Variants in PPARD observed in about 807,000 individuals in gnomAD.
PPARD encodes the protein peroxisome proliferator-activated receptor delta.
In PPARD, 6 loss-of-function variants were observed where a neutral mutation model predicts 39.5. The observed-to-expected ratio is 0.15, with a 90% CI of 0.08 to 0.30. The LOEUF (loss-of-function observed/expected upper bound fraction) is 0.30. PPARD is among the 10% of genes least tolerant of loss of function. The pLI, the probability that PPARD is intolerant of heterozygous loss-of-function variation, is 1.00. For synonymous variants in PPARD, 210 were observed against 231.3 expected (o/e 0.91, Z 0.83); for missense variants, 397 against 596.8 (o/e 0.67, Z 3.49).
intron 2 of PPARD, among the ~76,000 whole-genome samples, chr6:35,390,140 T>A (rs1562199481): frequency 6.6e-6 from 1 of 152,020 alleles, no homozygotes; most frequent in African/African-American, 2.4e-5. Flanking sequence ...TCCCTGGGAG[T>A]GCCTTTTCTA....
chr6:35,349,317 G>A (rs1382641181), intron 2 of PPARD, among the ~76,000 whole-genome samples: 2 of 152,150 alleles, frequency 1.3e-5, no homozygotes, highest in African/African-American at 4.8e-5. Context: ...GAGCCACCGC[G>A]CCCGGCCTCT....
At position 35,420,150 on chromosome 6, in the gene PPARD, C is replaced by T. The variant is rs753923364; in HGVS notation, c.154C>T (p.Pro52Ser). Residue 52 changes from proline (P) to serine (S), a missense_variant, in exon 4 of 8, where the codon CCC (proline) becomes TCC (serine). Coordinates refer to ENST00000360694, the MANE Select transcript of PPARD (RefSeq NM_006238.5). ...AGACCTCTCCCGGAGCTCCTCGCCA[C>T]CCTCACTGCTGGACCAACTGCAGAT... The part of the protein sequence containing the change: ...YTDLSRSSSP[P>S]SLLDQLQMGC... 3 of 1,613,576 alleles carry T rather than the reference C, an allele frequency of 1.9e-6. No individual in the cohort carries two copies. In the South Asian group the frequency reaches 3.3e-5, roughly 18 times the overall value.
chr6:35,363,134 C>T lies in PPARD; in HGVS notation c.-102+15984C>T, dbSNP rs1388495856. 1.3e-5 allele frequency among the ~76,000 whole-genome samples: 2 copies of T among 152,176 alleles called. No individual in the cohort carries two copies. Among genetic ancestry groups the T allele is most frequent in the African/African-American group, 4.8e-5 (2 of 41,434 alleles). On this transcript the variant is annotated intron_variant, in intron 2 of 7. Transcript: ENST00000360694. The surrounding 1 kb of genome is among the most constrained non-coding windows in gnomAD (Gnocchi z 4.5). ...GATGGGGTATTTTGTGGGGAACAAG[C>T]TATGCCTTCCTGTCACTTCTTACAG...
At chr6:35,383,398 C>T (rs1356528026) in intron 2 of PPARD, among the ~76,000 whole-genome samples, 1 of 152,182 alleles carries the variant, frequency 6.6e-6, no homozygotes. Context: ...ACCTCCCAGC[C>T]GCCTGCCTTG....
chr6:35,409,956 C>T (rs555708982), intron 2 of PPARD, among the ~76,000 whole-genome samples: 31 of 152,244 alleles, frequency 2.0e-4, no homozygotes, highest in African/African-American at 7.5e-4. Context: ...AGTGTACAGC[C>T]GAGTTGGCAG....
At chr6:35,384,150 G>T (rs1431625108) in intron 2 of PPARD, among the ~76,000 whole-genome samples, 17 of 139,940 alleles carry the variant, frequency 1.2e-4, no homozygotes, top group African/African-American at 4.3e-4. Flanking sequence ...CCTCTGCCTG[G>T]CCACCCCTAC....
intron 2 of PPARD, among the ~76,000 whole-genome samples, chr6:35,400,777 G>A (rs965318887): frequency 1.3e-5 from 2 of 151,908 alleles, no homozygotes; most frequent in Non-Finnish European, 2.9e-5. Flanking sequence ...TCTAGCCTGG[G>A]TGACAGGGAG....
chr6:35,424,244 C>G lies in PPARD; in HGVS notation c.628-85C>G, dbSNP rs1766417936. 6.3e-7 allele frequency: 1 copy of G among 1,592,216 alleles called. No homozygotes were observed. The highest frequency in any genetic ancestry group is 1.3e-5 in the African/African-American group (1 of 74,416). On this transcript the variant is annotated intron_variant, in intron 6 of 7. Coordinates refer to ENST00000360694, the MANE Select transcript of PPARD (RefSeq NM_006238.5). The surrounding 1 kb of genome is among the most constrained non-coding windows in gnomAD (Gnocchi z 7.1). ...GGAGAGCCAGGCCTTCTCCCTCCCT[C>G]AACTTCATGGTGCAGGCAAGGGACA...
chr6:35,393,922 G>A (rs1409202138), intron 2 of PPARD, among the ~76,000 whole-genome samples: 1 of 152,176 alleles, frequency 6.6e-6, no homozygotes, highest in Non-Finnish European at 1.5e-5. Context: ...TGAGCAGCAG[G>A]AGAGCTTTGC....
At chr6:35,409,076 T>C (rs1232245059) in intron 2 of PPARD, among the ~76,000 whole-genome samples, 1 of 152,188 alleles carries the variant, frequency 6.6e-6, no homozygotes, top group Admixed American at 6.5e-5. Flanking sequence ...TTTCCCACTC[T>C]AATGATTTGG....
chr6:35,375,535 A>G (rs1047132442), intron 2 of PPARD, among the ~76,000 whole-genome samples: 1 of 151,006 alleles, frequency 6.6e-6, no homozygotes, highest in African/African-American at 2.4e-5. Flanking sequence ...CTTTATTTCT[A>G]TACATTTTAC....
At chr6:35,400,882 A>G (rs1322032315) in intron 2 of PPARD, among the ~76,000 whole-genome samples, 2 of 151,948 alleles carry the variant, frequency 1.3e-5, no homozygotes, top group African/African-American at 2.4e-5. Context: ...CTGTTGACCT[A>G]TGGTTGGCAT....
chr6:35,374,485 A>T (rs556269813), intron 2 of PPARD, among the ~76,000 whole-genome samples: 2 of 151,560 alleles, frequency 1.3e-5, no homozygotes, highest in Admixed American at 1.3e-4. Flanking sequence ...GTGAAACCCC[A>T]TCTCTACTAA....
Position 35,383,937 on chromosome 6 carries a change from TG to T in PPARD, c.-101-27042del, listed in dbSNP as rs543733797. Among the ~76,000 whole-genome samples the T allele has an allele frequency of 1.6e-3, 180 of 109,530 alleles. 7 individuals carry two copies. In the East Asian group the frequency reaches 0.037, roughly 23 times the overall value. 71.9% of individuals were successfully genotyped at this position (109,530 alleles called of 152,430 possible). A position where few individuals can be genotyped will look rare whatever the true frequency, so the allele number is the denominator to read the frequency against. On this transcript the variant is annotated intron_variant, in intron 2 of 7. Transcript: ENST00000360694. ...GCAGCCACCCCGTCCGGGAGGGAGG[TG>T]GGGGGGGTCAGCCCCCCCGCCAGGC...
At position 35,347,669 on chromosome 6, in the gene PPARD, C is replaced by T. The variant is rs182185987; in HGVS notation, c.-102+519C>T. Among the ~76,000 whole-genome samples the T allele has an allele frequency of 1.3e-4, 20 of 152,116 alleles. No homozygotes were observed. The East Asian group carries it at 2.1e-3, about 16-fold the overall frequency. ...TGTCCCCCAGACTGGAGTGCAATGG[C>T]GTGATCTTGGCTCACTGCCACCTCC... On this transcript the variant is annotated intron_variant, in intron 2 of 7. Transcript: ENST00000360694.
intron 2 of PPARD, among the ~76,000 whole-genome samples, chr6:35,391,160 AG>A (rs367888135): frequency 1.3e-5 from 2 of 152,272 alleles, no homozygotes; most frequent in African/African-American, 4.8e-5. Context: ...ATCTGATAAT[AG>A]AAAATGCGGA....
chr6:35,423,647 AC>A (rs1401541969), intron 5 of PPARD, among the ~76,000 whole-genome samples: 2 of 152,042 alleles, frequency 1.3e-5, no homozygotes, highest in African/African-American at 4.8e-5. Context: ...AGTCTGTCTT[AC>A]CCCAGCTAGC....
intron 5 of PPARD, among the ~76,000 whole-genome samples, chr6:35,422,407 G>A (rs908652974): frequency 6.6e-6 from 1 of 152,178 alleles, no homozygotes; most frequent in Non-Finnish European, 1.5e-5. Context: ...TTTGTCAACT[G>A]CCAGGAGCCA....
intron 2 of PPARD, among the ~76,000 whole-genome samples, chr6:35,371,268 C>T (rs965141833): frequency 6.6e-6 from 1 of 152,080 alleles, no homozygotes; most frequent in Admixed American, 6.6e-5. Context: ...CCTCTGTTTC[C>T]CTTCCTCTCT....
Sources: allele counts gnomAD v4.1 joint callset (sites outside exome capture counted in the v4.1 genomes callset), GRCh38; gene constraint gnomAD v4.1.1; non-coding constraint Gnocchi (gnomAD v3.1); transcripts MANE v1.5; gene names NCBI Gene and HGNC (gene_info 2026-07-23, HGNC 2026-07-21).